The following SERPINB9 variants were observed in gnomAD, a reference collection of about 807,000 sequenced individuals.
SERPINB9 encodes serpin family B member 9.
A neutral mutation model predicts 27.2 loss-of-function variants in SERPINB9; 20 were observed. The observed-to-expected ratio is 0.74, with a 90% CI of 0.52 to 1.07. The LOEUF (loss-of-function observed/expected upper bound fraction) is 1.07, where lower values mean the gene tolerates loss of function less well. Among genes scored for constraint, SERPINB9 ranks in the 50% least tolerant of loss-of-function variants. SERPINB9 has a pLI of 0.00. For missense variants in SERPINB9, 476 were observed against 460.1 expected (o/e 1.03, Z -0.32); for synonymous variants, 189 against 180.0 (o/e 1.05, Z -0.40).
intron 5 of SERPINB9, among the ~76,000 whole-genome samples, 198 bp downstream of exon 5, chr6:2,893,192 ATATATATATATTATATATACG>A (rs1561644408): frequency 9.1e-6 from 1 of 109,782 alleles, no homozygotes; most frequent in Admixed American, 8.1e-5. Flanking sequence ...CACTACATAT[ATATATATATATTATATATACG>A]TATATATAAT....
rs2113590325 is a variant in SERPINB9, at chr6:2,887,768, A to G, written c.*2395T>C. On this transcript the variant is annotated 3_prime_UTR_variant, in exon 7 of 7. Transcript: ENST00000380698. ...AGGCTGAAGCAAGAGAATTGCTTGA[A>G]TCCAGGAGGAGGAGGTTGCAGTGAG... 6.7e-6 allele frequency: 1 copy of G among 149,822 alleles called. No individual in the cohort carries two copies. The highest frequency in any genetic ancestry group is 2.1e-4 in the South Asian group (1 of 4,746). The allele number at this position is 149,822 out of a possible 1,614,324, so 9.3% of individuals were successfully genotyped here.
Position 2,895,474 on chromosome 6 carries a change from G to A in SERPINB9, c.341C>T (p.Ala114Val). The change falls in exon 4 of 7, where the codon GCT (alanine) becomes GTT (valine). Residue 114 changes from alanine to valine, a missense_variant. Ala to Val is a moderately conservative substitution (Grantham distance 64). Transcript: ENST00000380698. Reference protein sequence around the residue: ...FKESCLQFYHAELKELSFIRA... With the variant: ...FKESCLQFYHVELKELSFIRA... ...GATAAAGGAAAGCTCCTTCAGCTCA[G>A]CATGGTAGAATTGAAGACAGGATTC... 1 of 1,613,772 alleles carries A rather than the reference G, an allele frequency of 6.2e-7. No homozygotes were observed. Among genetic ancestry groups the A allele is most frequent in the South Asian group, 1.1e-5 (1 of 91,048 alleles).
chr6:2,895,355 G>C (rs866862492), intron 4 of SERPINB9, 36 bp downstream of exon 4: 1 of 1,388,978 alleles, frequency 7.2e-7, no homozygotes, highest in Middle Eastern at 1.8e-4. Flanking sequence ...GAGGAGGACG[G>C]GTTGGGAGGA....
rs1180342566 is a variant in SERPINB9 at position 2,899,573 on chromosome 6, C to T, written c.168+871G>A. Among the ~76,000 whole-genome samples the T allele has an allele frequency of 2.0e-5, 3 of 152,216 alleles. No individual in the cohort carries two copies. The East Asian group carries it at 5.8e-4, about 29-fold the overall frequency. On this transcript the variant is annotated intron_variant, in intron 2 of 6. Coordinates refer to ENST00000380698, the MANE Select transcript of SERPINB9 (RefSeq NM_004155.6). The stretch of plus-strand genomic sequence containing the variant: ...TTCACCTCCCTGAATGTGCACATAG[C>T]TTGCCATGGCATGCGTATTTTCATT...
intron 2 of SERPINB9, among the ~76,000 whole-genome samples, chr6:2,899,039 G>C (rs1768104006): frequency 6.6e-6 from 1 of 152,144 alleles, no homozygotes; most frequent in Admixed American, 6.5e-5. Context: ...GTAGCAACGT[G>C]TACTCAGTAT....
intron 2 of SERPINB9, among the ~76,000 whole-genome samples, chr6:2,898,443 C>T (rs1020518926): frequency 4.6e-5 from 7 of 152,148 alleles, no homozygotes; most frequent in South Asian, 2.1e-4. Flanking sequence ...ACTGTCTCAC[C>T]GAATCCTCAC....
In SERPINB9 at chr6:2,890,510, T is replaced by C. The variant is rs577722413; in HGVS notation, c.784A>G (p.Ser262Gly). 8.6e-5 allele frequency: 139 copies of C among 1,614,172 alleles called. No homozygotes were observed. In the Middle Eastern group the frequency reaches 5.6e-3, roughly 65 times the overall value. The change falls in exon 7 of 7, where the codon AGT (serine) becomes GGT (glycine). Residue 262 changes from serine (S) to glycine (G), a missense_variant. Transcript: ENST00000380698. This position sits in a 1 kb window ranked among gnomAD's most constrained non-coding sequence, Gnocchi z 6.2. ...GGAAGGAGAACTTCAACCTCAGTAC[T>C]CTTCATACAGTCTGGCTTGGTCCAG... ...TAWTKPDCMK[S>G]TEVEVLLPKF...
In SERPINB9 at chr6:2,893,468, C is replaced by G. The variant is rs766169975; in HGVS notation, c.510G>C (p.Lys170Asn). 2.0e-5 allele frequency: 32 copies of G among 1,613,540 alleles called. No homozygotes were observed. In the East Asian group the frequency reaches 6.7e-4, roughly 34 times the overall value. Residue 170 changes from lysine (K) to asparagine (N), a missense_variant, in exon 5 of 7, where the codon AAG becomes AAC. Coordinates refer to ENST00000380698, the MANE Select transcript of SERPINB9 (RefSeq NM_004155.6). ...ATGTTTCGTCAAACGGTTCATTCCACTTTCCTTTGAAGTAGATGGCATTGA... is the reference window on the plus strand; with the variant it reads ...ATGTTTCGTCAAACGGTTCATTCCAGTTTCCTTTGAAGTAGATGGCATTGA... ...VLVNAIYFKG[K>N]WNEPFDETYT...
intron 5 of SERPINB9, among the ~76,000 whole-genome samples, chr6:2,893,198 A>ATATATTATATATACGTATATAT (rs1554097065): frequency 2.1e-5 from 3 of 144,356 alleles, no homozygotes; most frequent in East Asian, 3.9e-4. Context: ...ATATATATAT[A>ATATATTATATATACGTATATAT]TATATTATAT....
intron 2 of SERPINB9, among the ~76,000 whole-genome samples, chr6:2,897,857 T>C (rs1561647023): frequency 6.6e-6 from 1 of 152,184 alleles, no homozygotes; most frequent in Non-Finnish European, 1.5e-5. Flanking sequence ...ACAAAAACTC[T>C]ATATAATTAT....
rs1322271175 is a variant in SERPINB9 at position 2,889,182 on chromosome 6, C to A, written c.*981G>T. Reference sequence around the variant, plus strand: ...TTTTACTGTTAGAGGTAGAGAAATACAATATCATAAAGAAAGATGTGATCC... The same window carrying A: ...TTTTACTGTTAGAGGTAGAGAAATAAAATATCATAAAGAAAGATGTGATCC... On this transcript the variant is annotated 3_prime_UTR_variant, in exon 7 of 7. Coordinates refer to ENST00000380698, the MANE Select transcript of SERPINB9 (RefSeq NM_004155.6). 2 of 152,142 alleles carry A rather than the reference C, an allele frequency of 1.3e-5. No individual in the cohort carries two copies. The highest frequency in any genetic ancestry group is 1.3e-4 in the Admixed American group (2 of 15,270). 9.4% of individuals were successfully genotyped at this position (152,142 alleles called of 1,614,324 possible). A position where few individuals can be genotyped will look rare whatever the true frequency, so the allele number is the denominator to read the frequency against.
rs1258569919 is a variant in SERPINB9 at position 2,890,243 on chromosome 6, C to T, written c.1051G>A (p.Ala351Thr). The T allele has an allele frequency of 1.2e-6, 2 of 1,614,112 alleles. No individual in the cohort carries two copies. The highest frequency in any genetic ancestry group is 2.7e-5 in the African/African-American group (2 of 74,928). ...ATGAAGAAAAGGAAAGGGTGGTCAG[C>T]ACAGAACCTGGGGCCAGATTCCATG... Reference protein sequence around the residue: ...CCMESGPRFCADHPFLFFIRH... With the variant: ...CCMESGPRFCTDHPFLFFIRH... The change falls in exon 7 of 7, where the codon GCT becomes ACT. Residue 351 changes from alanine to threonine, a missense_variant. By Grantham distance (58) the Ala-to-Thr change is moderately conservative. Coordinates refer to ENST00000380698, the MANE Select transcript of SERPINB9 (RefSeq NM_004155.6). The surrounding 1 kb of genome is among the most constrained non-coding windows in gnomAD (Gnocchi z 6.2).
intron 1 of SERPINB9, among the ~76,000 whole-genome samples, chr6:2,901,809 C>G (rs1248597653): frequency 6.6e-6 from 1 of 152,106 alleles, no homozygotes; most frequent in Non-Finnish European, 1.5e-5. Flanking sequence ...ATGCCCAGGC[C>G]CCCTCCCGAG....
intron 2 of SERPINB9, chr6:2,900,153 G>A (rs1174262799): frequency 6.4e-6 from 3 of 471,008 alleles, no homozygotes; most frequent in African/African-American, 2.0e-5. Flanking sequence ...TAATTTCAGT[G>A]TCATTTTCTA....
At position 2,891,876 on chromosome 6, in the gene SERPINB9, C is replaced by T. The variant is rs12207853; in HGVS notation, c.680G>A (p.Ser227Asn). 6.2e-7 allele frequency: 1 copy of T among 1,611,640 alleles called. No homozygotes were observed. Among genetic ancestry groups the T allele is most frequent in the Non-Finnish European group, 8.5e-7 (1 of 1,179,830 alleles). ...GTCGTCAGGCAGCAGCACCAGCAGG[C>T]TCAGCTCCTTCCTGGCGTAGGGCAG... is the stretch of plus-strand genomic sequence containing the variant. ...LELPYARKELSLLVLLPDDGV... is the reference protein window; with the variant it reads ...LELPYARKELNLLVLLPDDGV... The change falls in exon 6 of 7, where the codon AGC (serine) becomes AAC (asparagine). Residue 227 changes from serine (S) to asparagine (N), a missense_variant. Ser to Asn is a conservative substitution (Grantham distance 46). Coordinates refer to ENST00000380698, the MANE Select transcript of SERPINB9 (RefSeq NM_004155.6). This position sits in a 1 kb window ranked among gnomAD's most constrained non-coding sequence, Gnocchi z 4.0.
chr6:2,890,461 T>C lies in SERPINB9; in HGVS notation c.833A>G (p.Tyr278Cys). Residue 278 changes from tyrosine to cysteine, a missense_variant, in exon 7 of 7, where the codon TAT (tyrosine) becomes TGT (cysteine). Transcript: ENST00000380698. This position sits in a 1 kb window ranked among gnomAD's most constrained non-coding sequence, Gnocchi z 6.2. Reference protein sequence around the residue: ...LLPKFKLQEDYDMESVLRHLG... With the variant: ...LLPKFKLQEDCDMESVLRHLG... ...ATGCCGAAGCACAGATTCCATGTCA[T>C]AATCCTCTTGTAGTTTAAATTTTGG... 6.2e-7 allele frequency: 1 copy of C among 1,614,206 alleles called. No homozygotes were observed. Among genetic ancestry groups the C allele is most frequent in the South Asian group, 1.1e-5 (1 of 91,078 alleles).
In SERPINB9 at chr6:2,895,440, T is replaced by C. The variant is rs755234629; in HGVS notation, c.375A>G (p.Ala125=). ...TGTTGATGTGTTTCCTGGACTCTTCTGCAGCTCTGATAAAGGAAAGCTCCT... is the reference window on the plus strand; with the variant it reads ...TGTTGATGTGTTTCCTGGACTCTTCCGCAGCTCTGATAAAGGAAAGCTCCT... ...ELKELSFIRA[A]EESRKHINTW... is the part of the protein sequence containing the mutation. The change falls in exon 4 of 7, where the codon GCA becomes GCG. Residue 125 remains alanine (A), a synonymous_variant. Coordinates refer to ENST00000380698, the MANE Select transcript of SERPINB9 (RefSeq NM_004155.6). The C allele has an allele frequency of 6.2e-7, 1 of 1,613,902 alleles. No individual in the cohort carries two copies. The highest frequency in any genetic ancestry group is 8.5e-7 in the Non-Finnish European group (1 of 1,179,960).
At chr6:2,898,097 C>G (rs1387946595) in intron 2 of SERPINB9, among the ~76,000 whole-genome samples, 2 of 149,342 alleles carry the variant, frequency 1.3e-5, no homozygotes, top group African/African-American at 4.9e-5. Flanking sequence ...ACAAAACAAA[C>G]AAAACAAACA....
At chr6:2,902,217 C>G (rs1478418205) in intron 1 of SERPINB9, among the ~76,000 whole-genome samples, 1 of 152,212 alleles carries the variant, frequency 6.6e-6, no homozygotes, top group Non-Finnish European at 1.5e-5. Context: ...TAATTCCACT[C>G]ACCCTCAAAC....
Sources: allele counts gnomAD v4.1 joint callset (sites outside exome capture counted in the v4.1 genomes callset), GRCh38; gene constraint gnomAD v4.1.1; non-coding constraint Gnocchi (gnomAD v3.1); transcripts MANE v1.5; gene names NCBI Gene and HGNC (gene_info 2026-07-23, HGNC 2026-07-21).